MYT1L: variants seen among roughly 807,000 people sequenced by gnomAD.
MYT1L encodes myelin transcription factor 1-like protein.
A neutral mutation model predicts 126.7 loss-of-function variants in MYT1L; 12 were observed. That is an observed-to-expected ratio of 0.09 (90% CI 0.06 to 0.15). The LOEUF is 0.15. Ranked by LOEUF, MYT1L falls within the 10% of genes least tolerant of loss-of-function variation. The pLI, the probability that MYT1L is intolerant of heterozygous loss-of-function variation, is 1.00. For synonymous variants in MYT1L, 541 were observed against 604.2 expected (o/e 0.90, Z 1.53); for missense variants, 979 against 1,585.2 (o/e 0.62, Z 6.49).
intron 15 of MYT1L, among the ~76,000 whole-genome samples, chr2:1,891,482 C>A (rs1322387223): frequency 2.6e-5 from 4 of 152,240 alleles, no homozygotes; most frequent in Non-Finnish European, 4.4e-5. Flanking sequence ...AATAGACACT[C>A]TTCCTATGCC....
Position 1,979,828 on chromosome 2 carries a change from A to T in MYT1L, c.1-51T>A. On this transcript the variant is annotated intron_variant, in intron 5 of 24. Coordinates refer to ENST00000647738, the MANE Select transcript of MYT1L (RefSeq NM_001303052.2). The surrounding 1 kb of genome is among the most constrained non-coding windows in gnomAD (Gnocchi z 4.0). ...TGTGCTTATCCTGCCTGTGCAGGCC[A>T]GCCCTGCAGGGGCGGCTCACTCTCC... 1.3e-6 allele frequency: 2 copies of T among 1,582,998 alleles called. No homozygotes were observed. The highest frequency in any genetic ancestry group is 1.7e-6 in the Non-Finnish European group (2 of 1,152,690).
intron 2 of MYT1L, among the ~76,000 whole-genome samples, chr2:2,239,775 G>C (rs1032911065): frequency 2.0e-5 from 3 of 152,182 alleles, no homozygotes; most frequent in Admixed American, 6.5e-5. Flanking sequence ...CAACAGAAAA[G>C]GCAGGTGGGT....
intron 21 of MYT1L, chr2:1,828,747 T>A (rs1185119365): frequency 2.6e-5 from 4 of 152,210 alleles, no homozygotes; most frequent in Non-Finnish European, 4.4e-5. Flanking sequence ...ACAAACATTC[T>A]ATAAAAGGTT....
chr2:2,094,792 GC>G (rs1558991510), intron 3 of MYT1L, among the ~76,000 whole-genome samples: 9 of 150,484 alleles, frequency 6.0e-5, no homozygotes, highest in African/African-American at 2.2e-4. Flanking sequence ...GGAGGGGGGA[GC>G]GATAGCATTA....
intron 3 of MYT1L, among the ~76,000 whole-genome samples, chr2:2,102,976 T>C (rs1575173076): frequency 6.6e-6 from 1 of 152,100 alleles, no homozygotes; most frequent in Non-Finnish European, 1.5e-5. Context: ...TGAAAGTGAG[T>C]GCTCTGTGCA....
At chr2:1,935,941 G>A (rs1389717401) in intron 9 of MYT1L, among the ~76,000 whole-genome samples, 1 of 152,164 alleles carries the variant, frequency 6.6e-6, no homozygotes, top group Non-Finnish European at 1.5e-5. Flanking sequence ...TTTTCAAGAT[G>A]GAGTTTTGCT....
At chr2:1,808,273 A>C (rs2036035823) in intron 22 of MYT1L, among the ~76,000 whole-genome samples, 1 of 152,182 alleles carries the variant, frequency 6.6e-6, no homozygotes, top group African/African-American at 2.4e-5. Flanking sequence ...ACTCCCAGCC[A>C]ACAGTCACAA....
chr2:2,009,642 G>A (rs2063630352), intron 4 of MYT1L, among the ~76,000 whole-genome samples: 1 of 152,168 alleles, frequency 6.6e-6, no homozygotes, highest in Non-Finnish European at 1.5e-5. Context: ...CATGTCATCT[G>A]CAAATAGAGA....
Position 1,943,183 on chromosome 2 carries a change from T to C in MYT1L, c.304A>G (p.Lys102Glu), listed in dbSNP as rs867781232. Residue 102 changes from lysine to glutamate, a missense_variant, in exon 9 of 25, where the codon AAG (lysine) becomes GAG (glutamate). This residue lies in a region of MYT1L where 111 missense variants were observed against 115.9 expected (regional missense o/e 0.96). Coordinates refer to ENST00000647738, the MANE Select transcript of MYT1L (RefSeq NM_001303052.2). This position sits in a 1 kb window ranked among gnomAD's most constrained non-coding sequence, Gnocchi z 4.4. ...TACTCCTCCCCCTCATCCTCCTCCT[T>C]CTCATCCATGTCCTCAGTCCCATCA... ...DSDGTEDMDE[K>E]EEDEGEEYSE... 1 of 1,551,314 alleles carries C rather than the reference T, an allele frequency of 6.4e-7. No individual in the cohort carries two copies. The highest frequency in any genetic ancestry group is 8.7e-7 in the Non-Finnish European group (1 of 1,146,830).
intron 8 of MYT1L, among the ~76,000 whole-genome samples, chr2:1,953,595 T>G (rs548503983): frequency 4.6e-4 from 70 of 152,354 alleles, no homozygotes; most frequent in Admixed American, 9.2e-4. Flanking sequence ...TGTGTGCTTA[T>G]CTTATTGTCT....
chr2:2,236,593 C>A (rs1402933025), intron 2 of MYT1L, among the ~76,000 whole-genome samples: 1 of 148,778 alleles, frequency 6.7e-6, no homozygotes, highest in African/African-American at 2.5e-5. Flanking sequence ...CCAGCACATC[C>A]CAACCCAACC....
At chr2:2,012,749 A>C (rs1252837030) in intron 4 of MYT1L, among the ~76,000 whole-genome samples, 1 of 152,092 alleles carries the variant, frequency 6.6e-6, no homozygotes, top group Non-Finnish European at 1.5e-5. Flanking sequence ...GCGTCCGTCC[A>C]CACCGCACAC....
chr2:2,251,944 A>AAAT (rs138373872), intron 2 of MYT1L, among the ~76,000 whole-genome samples: 3 of 152,064 alleles, frequency 2.0e-5, no homozygotes, highest in African/African-American at 7.2e-5. Context: ...AGAAAAGAAA[A>AAAT]AAAGGGAACG....
intron 3 of MYT1L, among the ~76,000 whole-genome samples, chr2:2,141,967 T>G (rs1440238482): frequency 1.3e-5 from 2 of 152,228 alleles, no homozygotes; most frequent in Admixed American, 1.3e-4. Context: ...ATCTGTTATT[T>G]TGAGATTCTC....
At chr2:1,799,666 A>G (rs1246830356) in intron 23 of MYT1L, among the ~76,000 whole-genome samples, 2 of 152,270 alleles carry the variant, frequency 1.3e-5, no homozygotes, top group Non-Finnish European at 2.9e-5. Context: ...GTGCCATTCA[A>G]AGGAGGAAAT....
In MYT1L at chr2:1,910,069, C is replaced by T. The variant is rs555984525; in HGVS notation, c.1817+171G>A. Among the ~76,000 whole-genome samples, 1 of 152,310 alleles carries T rather than the reference C, an allele frequency of 6.6e-6. No homozygotes were observed. Among genetic ancestry groups the T allele is most frequent in the South Asian group, 2.1e-4 (1 of 4,826 alleles). ...GGGAAGAATGACACCCTTGCCCTCA[C>T]ACAGCCTGGCCTGGAGTGAGGGGTC... On this transcript the variant is annotated intron_variant, in intron 13 of 24. Coordinates refer to ENST00000647738, the MANE Select transcript of MYT1L (RefSeq NM_001303052.2). This position sits in a 1 kb window ranked among gnomAD's most constrained non-coding sequence, Gnocchi z 4.8.
intron 9 of MYT1L, among the ~76,000 whole-genome samples, chr2:1,937,832 G>A (rs1363325342): frequency 2.0e-5 from 3 of 152,170 alleles, no homozygotes; most frequent in African/African-American, 7.2e-5. Flanking sequence ...CTCTCAAGCA[G>A]CCCCTCCTCC....
At chr2:1,850,001 C>T (rs996890171) in intron 19 of MYT1L, among the ~76,000 whole-genome samples, 8 of 142,592 alleles carry the variant, frequency 5.6e-5, no homozygotes, top group African/African-American at 1.6e-4. Context: ...CTACTCTGTA[C>T]AGACAACCGT....
Position 1,855,584 on chromosome 2 carries a change from C to T in MYT1L, c.2712-3881G>A, listed in dbSNP as rs1245447368. On this transcript the variant is annotated intron_variant, in intron 18 of 24. Transcript: ENST00000647738. The stretch of plus-strand genomic sequence containing the variant: ...GCCCCGCCTGCTTTCCTGACAGTTA[C>T]CACGAACAATAACAGCAAGGCTATT... Among the ~76,000 whole-genome samples, 6 of 152,204 alleles carry T rather than the reference C, an allele frequency of 3.9e-5. 1 individual carries two copies. Among genetic ancestry groups the T allele is most frequent in the Non-Finnish European group, 8.8e-5 (6 of 68,048 alleles).
Sources: allele counts gnomAD v4.1 joint callset (sites outside exome capture counted in the v4.1 genomes callset), GRCh38; gene constraint gnomAD v4.1.1; regional missense constraint gnomAD v4.1.1; non-coding constraint Gnocchi (gnomAD v3.1); transcripts MANE v1.5; gene names NCBI Gene and HGNC (gene_info 2026-07-23, HGNC 2026-07-21).